ZNF367: variants seen among roughly 807,000 people sequenced by gnomAD.
ZNF367 encodes C2H2 zinc finger protein ZFF29.
A neutral mutation model predicts 31.8 loss-of-function variants in ZNF367; 11 were observed. The ratio of observed to expected loss-of-function variants is 0.35; its 90% CI spans 0.22 to 0.57. The LOEUF (loss-of-function observed/expected upper bound fraction) is 0.57. ZNF367 is among the 20% of genes least tolerant of loss of function. The probability of loss-of-function intolerance (pLI) is 0.85; values close to 1 mark genes in which losing one functional copy is unlikely to be tolerated. For synonymous variants in ZNF367, 199 were observed against 202.4 expected (o/e 0.98, Z 0.14); for missense variants, 353 against 484.1 (o/e 0.73, Z 2.54).
rs957163741 is a variant in ZNF367 at position 96,386,071 on chromosome 9, A to C, written c.*2166T>G. The C allele has an allele frequency of 2.0e-5, 3 of 152,192 alleles. No homozygotes were observed. The highest frequency in any genetic ancestry group is 7.2e-5 in the African/African-American group (3 of 41,462). The allele number at this position is 152,192 out of a possible 1,614,324, so 9.4% of individuals were successfully genotyped here. A position where few individuals can be genotyped will look rare whatever the true frequency, so the allele number is the denominator to read the frequency against. On this transcript the variant is annotated 3_prime_UTR_variant, in exon 5 of 5. Coordinates refer to ENST00000375256, the MANE Select transcript of ZNF367 (RefSeq NM_153695.4). ...AAAACACTTCAAAAATTTGAATGTA[A>C]ACCATTTTTTAAAACAAAAAGCAGT...
chr9:96,409,529 A>G (rs926421793), intron 1 of ZNF367, among the ~76,000 whole-genome samples: 1 of 152,244 alleles, frequency 6.6e-6, no homozygotes, highest in African/African-American at 2.4e-5. Flanking sequence ...TTAGTAACGA[A>G]TATCTGTTGA....
At chr9:96,409,699 C>G (rs1187445849) in intron 1 of ZNF367, among the ~76,000 whole-genome samples, 1 of 152,178 alleles carries the variant, frequency 6.6e-6, no homozygotes, top group Non-Finnish European at 1.5e-5. Context: ...CTTTCATCTT[C>G]TTTACTCCTT....
In ZNF367 at chr9:96,388,343, T is replaced by C; in HGVS notation, c.947A>G (p.Glu316Gly). The change falls in exon 5 of 5, where the codon GAG becomes GGG. Residue 316 changes from glutamate (E) to glycine (G), a missense_variant. Coordinates refer to ENST00000375256, the MANE Select transcript of ZNF367 (RefSeq NM_153695.4). ...CAGCCGGCGCTGGGCCCCTCTCTTC[T>C]CGTCGTCCTCTTCATCAGACTGAAG... ...EYLQSDEEDD[E>G]KRGAQRRLQE... 1 of 1,613,130 alleles carries C rather than the reference T, an allele frequency of 6.2e-7. No individual in the cohort carries two copies. The highest frequency in any genetic ancestry group is 8.5e-7 in the Non-Finnish European group (1 of 1,180,034).
intron 1 of ZNF367, among the ~76,000 whole-genome samples, chr9:96,411,290 G>T (rs1587749256): frequency 6.6e-6 from 1 of 152,064 alleles, no homozygotes; most frequent in East Asian, 1.9e-4. Flanking sequence ...GCTCATGCCT[G>T]TAATCCCACT....
At chr9:96,388,738 G>A (rs1006030218) in intron 4 of ZNF367, among the ~76,000 whole-genome samples, 6 of 152,210 alleles carry the variant, frequency 3.9e-5, no homozygotes, top group African/African-American at 1.2e-4. Context: ...CCGCCTTAAA[G>A]AGCCTGTGTG....
chr9:96,401,148 C>T (rs1831598590), intron 1 of ZNF367, among the ~76,000 whole-genome samples: 1 of 152,102 alleles, frequency 6.6e-6, no homozygotes, highest in Admixed American at 6.5e-5. Context: ...ATCAGCTGAG[C>T]CTGGGAGGTC....
At chr9:96,392,302 G>T in intron 4 of ZNF367, 96 bp downstream of exon 4, 1 of 1,555,958 alleles carries the variant, frequency 6.4e-7, no homozygotes, top group East Asian at 2.2e-5. Flanking sequence ...GTGTATAAAT[G>T]CAGCTTATTT....
Position 96,387,884 on chromosome 9 carries a change from G to A in ZNF367, c.*353C>T, listed in dbSNP as rs1306416391. ...CTGTTTTAATCTTCTTTGGCTATTT[G>A]TACCATTCTGTTTTTCAAACAAGTG... On this transcript the variant is annotated 3_prime_UTR_variant, in exon 5 of 5. Transcript: ENST00000375256. 4.6e-6 allele frequency: 1 copy of A among 218,352 alleles called. No individual in the cohort carries two copies. Among genetic ancestry groups the A allele is most frequent in the Admixed American group, 5.4e-5 (1 of 18,576 alleles). The allele number at this position is 218,352 out of a possible 1,614,324, so 13.5% of individuals were successfully genotyped here. A position where few individuals can be genotyped will look rare whatever the true frequency, so the allele number is the denominator to read the frequency against.
chr9:96,404,932 CAATT>C, intron 1 of ZNF367, among the ~76,000 whole-genome samples: 1 of 152,172 alleles, frequency 6.6e-6, no homozygotes, highest in Admixed American at 6.5e-5. Flanking sequence ...ACAAAAAACT[CAATT>C]AAAAAATAGG....
rs1347758505 is a variant in ZNF367 at position 96,392,453 on chromosome 9, T to C, written c.775A>G (p.Thr259Ala). 6.2e-7 allele frequency: 1 copy of C among 1,614,180 alleles called. No homozygotes were observed. ...ARLKREEPTDTLSKHQAADNK... is the reference protein window; with the variant it reads ...ARLKREEPTDALSKHQAADNK... ...TCGGCAGCCTGATGTTTGCTGAGTG[T>C]GTCCGTGGGCTCCTCTCTCTTCAGC... is the stretch of plus-strand genomic sequence containing the variant. The change falls in exon 4 of 5, where the codon ACA becomes GCA. Residue 259 changes from threonine to alanine, a missense_variant. Thr to Ala is a moderately conservative substitution (Grantham distance 58). This residue lies in a region of ZNF367 where 101 missense variants were observed against 140.0 expected (regional missense o/e 0.72). Coordinates refer to ENST00000375256, the MANE Select transcript of ZNF367 (RefSeq NM_153695.4).
chr9:96,388,500 A>C (rs753177619), intron 4 of ZNF367, 41 bp from the exon 5 acceptor site: 1 of 1,545,194 alleles, frequency 6.5e-7, no homozygotes, highest in Admixed American at 2.0e-5. Flanking sequence ...GGCAGACATG[A>C]AATTTCCAAA....
Position 96,407,881 on chromosome 9 carries a change from C to T in ZNF367, c.421-9567G>A, listed in dbSNP as rs982156933. On this transcript the variant is annotated intron_variant, in intron 1 of 4. Transcript: ENST00000375256. The stretch of plus-strand genomic sequence containing the variant: ...TTAGCCTCCCAAAGTGCTGGAATTA[C>T]AGGCATGAGCCACCGCGCCCGGCCA... 1.0e-5 allele frequency: 5 copies of T among 495,794 alleles called. No homozygotes were observed. In the Admixed American group the frequency reaches 1.4e-4, roughly 14 times the overall value. The allele number at this position is 495,794 out of a possible 1,614,324, so 30.7% of individuals were successfully genotyped here.
At chr9:96,390,628 AAT>A (rs1831460739) in intron 4 of ZNF367, among the ~76,000 whole-genome samples, 1 of 152,156 alleles carries the variant, frequency 6.6e-6, no homozygotes, top group Non-Finnish European at 1.5e-5. Context: ...TCATGCCTGT[AAT>A]CCCAACAGTT....
Position 96,392,456 on chromosome 9 carries a change from C to T in ZNF367, c.772G>A (p.Asp258Asn). 1 of 1,614,126 alleles carries T rather than the reference C, an allele frequency of 6.2e-7. No individual in the cohort carries two copies. Among genetic ancestry groups the T allele is most frequent in the South Asian group, 1.1e-5 (1 of 91,074 alleles). ...YARLKREEPTDTLSKHQAADN... is the reference protein window; with the variant it reads ...YARLKREEPTNTLSKHQAADN... ...GCAGCCTGATGTTTGCTGAGTGTGT[C>T]CGTGGGCTCCTCTCTCTTCAGCCTG... is the stretch of plus-strand genomic sequence containing the variant. The change falls in exon 4 of 5, where the codon GAC (aspartate) becomes AAC (asparagine). Residue 258 changes from aspartate (D) to asparagine (N), a missense_variant. By Grantham distance (23) the Asp-to-Asn change is conservative. This residue lies in a region of ZNF367 where 101 missense variants were observed against 140.0 expected (regional missense o/e 0.72). Coordinates refer to ENST00000375256, the MANE Select transcript of ZNF367 (RefSeq NM_153695.4).
At chr9:96,399,816 T>A (rs1249586862) in intron 1 of ZNF367, among the ~76,000 whole-genome samples, 2 of 151,748 alleles carry the variant, frequency 1.3e-5, no homozygotes, top group Non-Finnish European at 2.9e-5. Context: ...AGACTCCATC[T>A]CAAAAAAACA....
intron 4 of ZNF367, among the ~76,000 whole-genome samples, chr9:96,391,537 C>G (rs1173013462): frequency 2.0e-5 from 3 of 152,142 alleles, no homozygotes; most frequent in Non-Finnish European, 4.4e-5. Context: ...GGAGGCAGGG[C>G]TATGGCAGCA....
chr9:96,396,988 T>C (rs13298831), intron 2 of ZNF367, among the ~76,000 whole-genome samples: 4,240 of 152,300 alleles, frequency 0.028, 76 homozygotes, highest in Middle Eastern at 0.058. Context: ...TTTAATAATG[T>C]ATTTTATTTA....
chr9:96,388,541 C>T (rs1587740382), intron 4 of ZNF367, 82 bp from the exon 5 acceptor site: 1 of 1,211,718 alleles, frequency 8.3e-7, no homozygotes, highest in East Asian at 2.3e-5. Context: ...AGTTCCATAC[C>T]ACAATATTAC....
intron 1 of ZNF367, among the ~76,000 whole-genome samples, chr9:96,401,321 C>T (rs1382083481): frequency 2.6e-5 from 4 of 152,066 alleles, no homozygotes; most frequent in Non-Finnish European, 5.9e-5. Context: ...ATGTCAGGAG[C>T]TCGAGACCGG....
Sources: gnomAD v4.1 joint callset for allele counts (sites outside exome capture counted in the v4.1 genomes callset) on GRCh38, gnomAD v4.1.1 for gene constraint, gnomAD v4.1.1 regional missense constraint, MANE v1.5 for transcripts, NCBI Gene and HGNC (gene_info 2026-07-23, HGNC 2026-07-21) for gene names.